The following LPP variants were observed in gnomAD, a reference collection of about 807,000 sequenced individuals.
LPP encodes lipoma-preferred partner.
In LPP, 38 loss-of-function variants were observed where a neutral mutation model predicts 60.4. The ratio of observed to expected loss-of-function variants is 0.63; its 90% CI spans 0.49 to 0.83. The LOEUF (loss-of-function observed/expected upper bound fraction) is 0.83, where lower values mean the gene tolerates loss of function less well. Ranked by LOEUF, LPP falls within the 40% of genes least tolerant of loss-of-function variation. LPP has a pLI of 0.00. For synonymous variants in LPP, 328 were observed against 290.8 expected (o/e 1.13, Z -1.30); for missense variants, 902 against 783.6 (o/e 1.15, Z -1.80).
At chr3:188,583,968 T>G (rs993777285) in intron 6 of LPP, among the ~76,000 whole-genome samples, 3 of 152,162 alleles carry the variant, frequency 2.0e-5, no homozygotes, top group Non-Finnish European at 2.9e-5. Flanking sequence ...CTTGATGTCT[T>G]GGTTTCAGCA....
At chr3:188,497,026 A>G (rs1231746240) in intron 5 of LPP, among the ~76,000 whole-genome samples, 2 of 151,300 alleles carry the variant, frequency 1.3e-5, no homozygotes, top group Non-Finnish European at 2.9e-5. Flanking sequence ...TTTTTTAAGG[A>G]ATACAGGATT....
intron 8 of LPP, among the ~76,000 whole-genome samples, chr3:188,733,306 TG>T (rs1721322461): frequency 6.6e-6 from 1 of 151,914 alleles, no homozygotes; most frequent in Admixed American, 6.6e-5. Flanking sequence ...TGTGTGTGTG[TG>T]TGTGTGTGTG....
chr3:188,404,957 GACAGAGGAGA>G (rs1217328348), intron 3 of LPP, among the ~76,000 whole-genome samples: 1 of 152,272 alleles, frequency 6.6e-6, no homozygotes, highest in East Asian at 1.9e-4. Flanking sequence ...GGCTTACCCT[GACAGAGGAGA>G]CATTTCCTCT....
At chr3:188,578,126 C>T (rs375707092) in intron 6 of LPP, among the ~76,000 whole-genome samples, 5 of 152,010 alleles carry the variant, frequency 3.3e-5, no homozygotes, top group African/African-American at 1.2e-4. Context: ...ATAGAGTGAC[C>T]ATCCTTGCCT....
At chr3:188,772,973 T>G (rs1388952344) in intron 9 of LPP, among the ~76,000 whole-genome samples, 1 of 152,084 alleles carries the variant, frequency 6.6e-6, no homozygotes, top group Admixed American at 6.5e-5. Flanking sequence ...ACAGAGTCAT[T>G]GCTGAAATGT....
chr3:188,319,248 A>T (rs1756214477), intron 2 of LPP, among the ~76,000 whole-genome samples: 2 of 152,168 alleles, frequency 1.3e-5, no homozygotes, highest in South Asian at 4.1e-4. Flanking sequence ...GGGCCAGAAT[A>T]GTCTTTGAAA....
intron 1 of LPP, among the ~76,000 whole-genome samples, chr3:188,197,064 A>T (rs1168181834): frequency 6.6e-6 from 1 of 152,178 alleles, no homozygotes; most frequent in Non-Finnish European, 1.5e-5. Flanking sequence ...TAGGTGTGCA[A>T]GTGATATTTG....
intron 2 of LPP, among the ~76,000 whole-genome samples, chr3:188,282,642 C>A (rs1742501763): frequency 6.6e-6 from 1 of 152,138 alleles, no homozygotes; most frequent in Non-Finnish European, 1.5e-5. Context: ...TTCTGCCTTC[C>A]TTTTGGCCCC....
chr3:188,358,954 C>T (rs952147833), intron 3 of LPP, among the ~76,000 whole-genome samples: 6 of 152,172 alleles, frequency 3.9e-5, no homozygotes, highest in Non-Finnish European at 7.3e-5. Flanking sequence ...GCTGACAGTG[C>T]GTGTTAACAT....
chr3:188,686,343 A>T (rs115005955), intron 7 of LPP, among the ~76,000 whole-genome samples: 2 of 152,136 alleles, frequency 1.3e-5, no homozygotes, highest in African/African-American at 4.8e-5. Context: ...AGCAAGATCT[A>T]TACTCCTTTA....
intron 5 of LPP, among the ~76,000 whole-genome samples, chr3:188,502,843 T>G (rs1812304647): frequency 6.6e-6 from 1 of 152,284 alleles, no homozygotes; most frequent in Admixed American, 6.5e-5. Flanking sequence ...TATTTTATAA[T>G]AAAGCTTTAA....
At chr3:188,519,720 A>T (rs1219542036) in intron 5 of LPP, among the ~76,000 whole-genome samples, 1 of 152,198 alleles carries the variant, frequency 6.6e-6, no homozygotes, top group African/African-American at 2.4e-5. Flanking sequence ...AGCAAATCTA[A>T]TTTATGTAGA....
chr3:188,279,962 A>C (rs1281179460), intron 2 of LPP, among the ~76,000 whole-genome samples: 1 of 152,232 alleles, frequency 6.6e-6, no homozygotes, highest in Non-Finnish European at 1.5e-5. Flanking sequence ...CCTGAGCCAG[A>C]AGCTATAGTT....
rs149599503 is a variant in LPP, at chr3:188,615,897, G to C, written c.1113+6053G>C. ...CATAAATGTCTTATTTTGGGAGGTG[G>C]CTGCTCATACCCTTTGTCCACTTTT... On this transcript the variant is annotated intron_variant, in intron 7 of 11. Coordinates refer to ENST00000617246, the MANE Select transcript of LPP (RefSeq NM_001375462.1). Among the ~76,000 whole-genome samples the C allele has an allele frequency of 7.4e-3, 1,124 of 152,050 alleles. 13 individuals carry two copies. Among genetic ancestry groups the C allele is most frequent in the African/African-American group, 0.025 (1,053 of 41,496 alleles).
intron 1 of LPP, among the ~76,000 whole-genome samples, chr3:188,221,862 A>G (rs1370287711): frequency 6.6e-6 from 1 of 152,226 alleles, no homozygotes; most frequent in African/African-American, 2.4e-5. Flanking sequence ...TTTTAAAGGT[A>G]TATTTCCACC....
chr3:188,688,897 A>T, intron 7 of LPP: 1 of 515,306 alleles, frequency 1.9e-6, no homozygotes, highest in Non-Finnish European at 3.9e-6. Flanking sequence ...CTTAAATTTC[A>T]GTGTTAATCC....
chr3:188,606,176 G>T (rs1387885050), intron 6 of LPP, among the ~76,000 whole-genome samples: 1 of 152,196 alleles, frequency 6.6e-6, no homozygotes, highest in Non-Finnish European at 1.5e-5. Context: ...GAACCTAGAG[G>T]AGATGACGGC....
At chr3:188,614,430 T>C (rs1371195154) in intron 7 of LPP, among the ~76,000 whole-genome samples, 1 of 152,152 alleles carries the variant, frequency 6.6e-6, no homozygotes, top group East Asian at 1.9e-4. Context: ...TAGCTAACAC[T>C]AGAATACATG....
intron 3 of LPP, among the ~76,000 whole-genome samples, chr3:188,382,617 AT>A (rs1204273676): frequency 6.6e-6 from 1 of 152,078 alleles, no homozygotes; most frequent in Non-Finnish European, 1.5e-5. Context: ...ACTCCTTTGG[AT>A]TTTAAACGCC....
Sources: gnomAD v4.1 joint callset for allele counts (sites outside exome capture counted in the v4.1 genomes callset) on GRCh38, gnomAD v4.1.1 for gene constraint, MANE v1.5 for transcripts, NCBI Gene and HGNC (gene_info 2026-07-23, HGNC 2026-07-21) for gene names.